Variants in BAHCC1 observed in about 807,000 individuals in gnomAD.
BAHCC1 encodes BAH domain and coiled-coil containing 1, also known as BAH and coiled-coil domain-containing protein 1.
A neutral mutation model predicts 88.2 loss-of-function variants in BAHCC1; 43 were observed. The observed-to-expected ratio is 0.49, with a 90% CI of 0.38 to 0.63. BAHCC1 has a LOEUF of 0.63. BAHCC1 is among the 20% of genes least tolerant of loss of function. BAHCC1 has a pLI of 0.00. For synonymous variants in BAHCC1, 1,510 were observed against 745.5 expected (o/e 2.03, Z -16.71); for missense variants, 3,023 against 1,654.8 (o/e 1.83, Z -14.34).
In BAHCC1 at chr17:81,416,884, C is replaced by CT. The variant is rs1598463107; in HGVS notation, c.179-9916_179-9915insT. Among the ~76,000 whole-genome samples the CT allele has an allele frequency of 2.0e-5, 3 of 152,318 alleles. No homozygotes were observed. The East Asian group carries it at 5.8e-4, about 29-fold the overall frequency. On this transcript the variant is annotated intron_variant, in intron 2 of 27. Transcript: ENST00000675386. ...GCAGGGCCACATGGCTATGTGGACA[C>CT]AGGGCCAAGAGCACTAGAGTCTCCC...
intron 27 of BAHCC1, 132 bp from the exon 28 acceptor site, chr17:81,463,479 C>T: frequency 3.0e-6 from 2 of 657,722 alleles, no homozygotes; most frequent in Non-Finnish European, 2.8e-6. Context: ...GTTCCTCGGC[C>T]CCGTCTTCCG....
intron 4 of BAHCC1, among the ~76,000 whole-genome samples, chr17:81,438,696 G>T (rs2064371759): frequency 6.6e-6 from 1 of 152,140 alleles, no homozygotes; most frequent in African/African-American, 2.4e-5. Context: ...CCCAGGCGCA[G>T]GTTCAGTTCC....
chr17:81,448,442 G>T (rs534691336), intron 11 of BAHCC1, among the ~76,000 whole-genome samples: 1 of 152,282 alleles, frequency 6.6e-6, no homozygotes, highest in Admixed American at 6.5e-5. Context: ...CCAGGTGTCT[G>T]CTTCGTCCAC....
In BAHCC1 at chr17:81,411,973, G is replaced by A. The variant is rs1430987377; in HGVS notation, c.178+12056G>A. On this transcript the variant is annotated intron_variant, in intron 2 of 27. Transcript: ENST00000675386. The surrounding 1 kb of genome is among the most constrained non-coding windows in gnomAD (Gnocchi z 6.2). ...TCAGCGAGACACACAGGCGCACAGG[G>A]ACTCAAGTGTGGCCACGATTAGGGC... is the stretch of plus-strand genomic sequence containing the variant. 1.3e-5 allele frequency among the ~76,000 whole-genome samples: 2 copies of A among 152,260 alleles called. No individual in the cohort carries two copies. The highest frequency in any genetic ancestry group is 1.3e-4 in the Admixed American group (2 of 15,292).
At chr17:81,414,974 C>T (rs2064001044) in intron 2 of BAHCC1, among the ~76,000 whole-genome samples, 1 of 152,234 alleles carries the variant, frequency 6.6e-6, no homozygotes. Context: ...TCCTCGCCAG[C>T]AGCTGTTACC....
intron 23 of BAHCC1, among the ~76,000 whole-genome samples, 193 bp downstream of exon 23, chr17:81,459,797 C>T (rs1555658611): frequency 6.6e-6 from 1 of 151,682 alleles, no homozygotes; most frequent in East Asian, 2.0e-4. Flanking sequence ...AGGGTGGGGG[C>T]TCCGGCCTCC....
Position 81,442,038 on chromosome 17 carries a change from G to A in BAHCC1, c.689G>A (p.Gly230Asp), listed in dbSNP as rs782682025. ...AAAGAGCTGGGCAGAGAGAAGGCGG[G>A]CAAGGCCGCTGAGGGCAAGGAGCGG... ...VGKELGREKA[G>D]KAAEGKERPA... Residue 230 changes from glycine (G) to aspartate (D), a missense_variant, in exon 5 of 28, where the codon GGC (glycine) becomes GAC (aspartate). Gly to Asp is a moderately conservative substitution (Grantham distance 94, BLOSUM62 -1). Coordinates refer to ENST00000675386, the MANE Select transcript of BAHCC1 (RefSeq NM_001377448.1). 1.5e-5 allele frequency: 11 copies of A among 720,096 alleles called. No homozygotes were observed. Among genetic ancestry groups the A allele is most frequent in the Non-Finnish European group, 2.6e-5 (10 of 385,100 alleles). The allele number at this position is 720,096 out of a possible 1,614,324, so 44.6% of individuals were successfully genotyped here.
chr17:81,416,052 G>A (rs963815698), intron 2 of BAHCC1, among the ~76,000 whole-genome samples: 4 of 150,484 alleles, frequency 2.7e-5, no homozygotes, highest in Non-Finnish European at 5.9e-5. Flanking sequence ...ATGTGTGCGT[G>A]TGTGTCCATG....
Position 81,447,467 on chromosome 17 carries a change from T to G in BAHCC1, c.3595T>G (p.Ser1199Ala), listed in dbSNP as rs1220595275. 4 of 740,254 alleles carry G rather than the reference T, an allele frequency of 5.4e-6. No homozygotes were observed. In the Admixed American group the frequency reaches 5.7e-5, roughly 11 times the overall value. 45.9% of individuals were successfully genotyped at this position (740,254 alleles called of 1,614,324 possible). ...GGAGCAGGGGCCCTCGTCAGGGGCC[T>G]CCTCCCAAGTCCTGGAGCAGCGAGC... ...EGEQGPSSGA[S>A]SQVLEQRAGS... is the part of the protein sequence containing the mutation. The change falls in exon 11 of 28, where the codon TCC (serine) becomes GCC (alanine). Residue 1199 changes from serine to alanine, a missense_variant. Ser to Ala is a moderately conservative substitution (Grantham distance 99, BLOSUM62 1). Transcript: ENST00000675386.
rs2063956670 is a variant in BAHCC1, at chr17:81,411,659, T to C, written c.178+11742T>C. 2.8e-6 allele frequency: 1 copy of C among 354,362 alleles called. No homozygotes were observed. Among genetic ancestry groups the C allele is most frequent in the Non-Finnish European group, 5.5e-6 (1 of 180,218 alleles). The allele number at this position is 354,362 out of a possible 1,614,324, so 22.0% of individuals were successfully genotyped here. ...GTGTGGGGTGGTCAGGTTTGGGGCA[T>C]TCCAGACCTGAGGCCCTCCAGGCAG... is the stretch of plus-strand genomic sequence containing the variant. On this transcript the variant is annotated intron_variant, in intron 2 of 27. Coordinates refer to ENST00000675386, the MANE Select transcript of BAHCC1 (RefSeq NM_001377448.1). This position sits in a 1 kb window ranked among gnomAD's most constrained non-coding sequence, Gnocchi z 6.2.
chr17:81,410,092 G>C (rs1598455500), intron 2 of BAHCC1: 4 of 371,750 alleles, frequency 1.1e-5, no homozygotes, highest in East Asian at 2.1e-4. Context: ...CTGGAGGGTT[G>C]AGTGGGACTG....
chr17:81,397,407 A>C (rs535409438), intron 1 of BAHCC1, among the ~76,000 whole-genome samples: 32 of 150,388 alleles, frequency 2.1e-4, no homozygotes, highest in East Asian at 7.7e-4. Flanking sequence ...AAAAAAAAAA[A>C]AAAAACAACC....
chr17:81,409,558 T>G (rs1029286377), intron 2 of BAHCC1, among the ~76,000 whole-genome samples: 28 of 151,918 alleles, frequency 1.8e-4, no homozygotes, highest in Non-Finnish European at 3.7e-4. Flanking sequence ...CCACGCGGGG[T>G]CGCGGGGGTG....
intron 2 of BAHCC1, chr17:81,415,550 G>A (rs1411333689): frequency 5.8e-6 from 3 of 516,894 alleles, no homozygotes; most frequent in Non-Finnish European, 1.2e-5. Context: ...TGCCCTTTCA[G>A]CCTGCAGTGA....
Position 81,434,784 on chromosome 17 carries a change from G to A in BAHCC1, c.359-3586G>A, listed in dbSNP as rs1163191661. Among the ~76,000 whole-genome samples, 3 of 152,140 alleles carry A rather than the reference G, an allele frequency of 2.0e-5. No homozygotes were observed. The highest frequency in any genetic ancestry group is 2.9e-5 in the Non-Finnish European group (2 of 68,010). ...GGCCACCTCCCCAGATCTGGCAAGA[G>A]GAGGAAGGCGCAGGGCTGGCCTGGA... On this transcript the variant is annotated intron_variant, in intron 3 of 27. Transcript: ENST00000675386. This position sits in a 1 kb window ranked among gnomAD's most constrained non-coding sequence, Gnocchi z 4.9.
At chr17:81,446,724 T>C in intron 10 of BAHCC1, 2 of 514,774 alleles carry the variant, frequency 3.9e-6, no homozygotes, top group South Asian at 3.2e-5. Flanking sequence ...CATTGTTCTT[T>C]AATTTTTTTG....
rs1171735319 is a variant in BAHCC1 at position 81,399,181 on chromosome 17, T to G, written c.-206-353T>G. 1 of 420,782 alleles carries G rather than the reference T, an allele frequency of 2.4e-6. No individual in the cohort carries two copies. Among genetic ancestry groups the G allele is most frequent in the Non-Finnish European group, 4.8e-6 (1 of 209,576 alleles). 26.1% of individuals were successfully genotyped at this position (420,782 alleles called of 1,614,324 possible). A position where few individuals can be genotyped will look rare whatever the true frequency, so the allele number is the denominator to read the frequency against. ...AGTGTGCGTGATGGCTTCGCAGATT[T>G]GGGTTTTTATCACCCAGCAGAGCCA... On this transcript the variant is annotated intron_variant, in intron 1 of 27. Transcript: ENST00000675386. The surrounding 1 kb of genome is among the most constrained non-coding windows in gnomAD (Gnocchi z 4.5).
Position 81,438,209 on chromosome 17 carries a change from T to G in BAHCC1, c.359-161T>G, listed in dbSNP as rs1391058308. Among the ~76,000 whole-genome samples the G allele has an allele frequency of 2.6e-5, 4 of 152,194 alleles. No homozygotes were observed. In the East Asian group the frequency reaches 7.7e-4, roughly 29 times the overall value. Reference sequence around the variant, plus strand: ...GGCATTAGTGGAGTCAGAGTTAATATGATGTATTGATGGGTTGATTTCCCC... The same window carrying G: ...GGCATTAGTGGAGTCAGAGTTAATAGGATGTATTGATGGGTTGATTTCCCC... On this transcript the variant is annotated intron_variant, in intron 3 of 27. Transcript: ENST00000675386.
Position 81,458,219 on chromosome 17 carries a change from T to C in BAHCC1, c.5096T>C (p.Val1699Ala). The part of the protein sequence containing the change: ...ESEVKIKRRS[V>A]KAKVGTTLER... The stretch of plus-strand genomic sequence containing the variant: ...GAGGTCAAGATCAAGAGGCGGTCGG[T>C]GAAGGCCAAGGTGGGCACCACCCTG... Residue 1699 changes from valine to alanine, a missense_variant, in exon 18 of 28, where the codon GTG (valine) becomes GCG (alanine). Physicochemically the swap from Val to Ala is moderately conservative, Grantham distance 64. Coordinates refer to ENST00000675386, the MANE Select transcript of BAHCC1 (RefSeq NM_001377448.1). The C allele has an allele frequency of 1.4e-6, 1 of 732,368 alleles. No individual in the cohort carries two copies. Among genetic ancestry groups the C allele is most frequent in the Non-Finnish European group, 2.5e-6 (1 of 394,064 alleles). The allele number at this position is 732,368 out of a possible 1,614,324, so 45.4% of individuals were successfully genotyped here.
Sources: allele counts gnomAD v4.1 joint callset (sites outside exome capture counted in the v4.1 genomes callset), GRCh38; gene constraint gnomAD v4.1.1; non-coding constraint Gnocchi (gnomAD v3.1); transcripts MANE v1.5; gene names NCBI Gene and HGNC (gene_info 2026-07-23, HGNC 2026-07-21).